Variants in DNM3 observed in about 807,000 individuals in gnomAD.
DNM3 encodes dynamin-3.
DNM3 carries 47 observed loss-of-function variants against 101.6 expected under a neutral mutation model. That is an observed-to-expected ratio of 0.46 (90% confidence interval 0.37 to 0.59). The LOEUF is 0.59. Ranked by LOEUF, DNM3 falls within the 20% of genes least tolerant of loss-of-function variation. The pLI, the probability that DNM3 is intolerant of heterozygous loss-of-function variation, is 0.00. For missense variants in DNM3, 849 were observed against 1,085.7 expected, an observed-to-expected ratio of 0.78 and a Z score of 3.06; for synonymous variants, 385 against 387.9, an observed-to-expected ratio of 0.99 and a Z score of 0.09.
intron 1 of DNM3, among the ~76,000 whole-genome samples, chr1:171,901,107 T>C (rs1487213527): frequency 3.7e-5 from 2 of 53,994 alleles, no homozygotes; most frequent in African/African-American, 1.6e-4. Flanking sequence ...AGCGAGACTC[T>C]GTCTCAAAAA....
At chr1:172,178,566 G>A (rs1413933260) in intron 14 of DNM3, among the ~76,000 whole-genome samples, 1 of 151,770 alleles carries the variant, frequency 6.6e-6, no homozygotes, top group Non-Finnish European at 1.5e-5. Context: ...GCAGTTAAAA[G>A]AAGCAAGGTA....
chr1:171,880,347 A>G (rs2036155344), intron 1 of DNM3, among the ~76,000 whole-genome samples: 2 of 152,228 alleles, frequency 1.3e-5, no homozygotes, highest in Non-Finnish European at 2.9e-5. Flanking sequence ...GCCAGGTGGA[A>G]TGATTCAGGT....
At chr1:172,148,106 A>G (rs1206343176) in intron 14 of DNM3, among the ~76,000 whole-genome samples, 1 of 152,088 alleles carries the variant, frequency 6.6e-6, no homozygotes, top group Non-Finnish European at 1.5e-5. Context: ...TTGTCAACCT[A>G]CAGAAACAAC....
chr1:172,387,036 T>A, intron 18 of DNM3, 97 bp from the exon 19 acceptor site: 1 of 1,052,840 alleles, frequency 9.5e-7, no homozygotes. Flanking sequence ...TGGACTTTGG[T>A]GGACTTTGTC....
chr1:172,068,931 C>T (rs756788956), intron 11 of DNM3, 26 bp downstream of exon 11: 31 of 1,548,828 alleles, frequency 2.0e-5, no homozygotes, highest in Non-Finnish European at 2.6e-5. Context: ...CCCTGGTGGG[C>T]AGGGAGATTG....
chr1:172,403,702 G>A (rs567968072), intron 20 of DNM3, among the ~76,000 whole-genome samples: 1 of 152,138 alleles, frequency 6.6e-6, no homozygotes, highest in East Asian at 1.9e-4. Flanking sequence ...GAAGAAACAT[G>A]GCTCTTCTAT....
At chr1:172,395,089 A>T (rs150124067) in intron 20 of DNM3, among the ~76,000 whole-genome samples, 63 of 151,768 alleles carry the variant, frequency 4.2e-4, no homozygotes, top group African/African-American at 1.5e-3. Context: ...TAGCTCTTTC[A>T]CCTCTAAATT....
chr1:172,040,497 C>A (rs1261252382), intron 7 of DNM3, among the ~76,000 whole-genome samples: 2 of 147,792 alleles, frequency 1.4e-5, no homozygotes, highest in Non-Finnish European at 3.0e-5. Context: ...TTTCGTGTTT[C>A]TTTCTTTCTT....
chr1:171,986,616 A>G (rs1365938306), intron 2 of DNM3, among the ~76,000 whole-genome samples: 2 of 150,546 alleles, frequency 1.3e-5, no homozygotes, highest in African/African-American at 4.9e-5. Flanking sequence ...AAAGCTACCA[A>G]TAATTGCCAC....
At chr1:172,174,681 T>A (rs1191856282) in intron 14 of DNM3, among the ~76,000 whole-genome samples, 1 of 151,696 alleles carries the variant, frequency 6.6e-6, no homozygotes, top group East Asian at 1.9e-4. Context: ...GTGTTAGTAA[T>A]GATGTCTACT....
intron 15 of DNM3, among the ~76,000 whole-genome samples, chr1:172,283,941 T>C (rs957970245): frequency 3.3e-5 from 5 of 152,132 alleles, no homozygotes; most frequent in African/African-American, 7.2e-5. Flanking sequence ...TGGGTTTTCG[T>C]TGTGGTTAAA....
At chr1:171,985,131 T>C (rs12068722) in intron 2 of DNM3, among the ~76,000 whole-genome samples, 8,420 of 152,240 alleles carry the variant, frequency 0.055, 692 homozygotes, top group African/African-American at 0.19. Context: ...TGATTGAAAA[T>C]GTAGTTCCTG....
At chr1:171,864,937 A>C (rs1445190404) in intron 1 of DNM3, among the ~76,000 whole-genome samples, 2 of 152,014 alleles carry the variant, frequency 1.3e-5, no homozygotes, top group Non-Finnish European at 2.9e-5. Flanking sequence ...ATTGTTTTGT[A>C]ATGAAATTAA....
At position 172,068,876 on chromosome 1, in the gene DNM3, C is replaced by G. The variant is rs774817889; in HGVS notation, c.1393C>G (p.Arg465Gly). The G allele has an allele frequency of 3.2e-6, 5 of 1,570,076 alleles. No homozygotes were observed. The highest frequency in any genetic ancestry group is 4.3e-6 in the Non-Finnish European group (5 of 1,156,970). The part of the protein sequence containing the change: ...ETERIVANHI[R>G]EREGKTKDQV... ...GGAAAGGATTGTTGCTAACCACATT[C>G]GTGAGCGAGAAGGGAAGACAAAGGA... Residue 465 changes from arginine (R) to glycine (G), a missense_variant, in exon 11 of 21, where the codon CGT (arginine) becomes GGT (glycine). Coordinates refer to ENST00000627582, the MANE Select transcript of DNM3 (RefSeq NM_015569.5).
intron 13 of DNM3, chr1:172,093,804 A>G (rs2054073177): frequency 7.1e-7 from 1 of 1,405,904 alleles, no homozygotes; most frequent in Admixed American, 2.2e-5. Flanking sequence ...TTAACTGATT[A>G]ACTCAACTAG....
intron 4 of DNM3, among the ~76,000 whole-genome samples, chr1:172,017,977 T>C (rs1364906357): frequency 1.3e-5 from 2 of 152,170 alleles, no homozygotes; most frequent in African/African-American, 4.8e-5. Context: ...ATAACTTTCC[T>C]TGCTATTAAA....
Position 172,014,986 on chromosome 1 carries a change from C to G in DNM3, c.590-17416C>G, listed in dbSNP as rs1303338768. On this transcript the variant is annotated intron_variant, in intron 4 of 20. Transcript: ENST00000627582. ...GTGTGAGGTTTGTGTCTATATTCAT[C>G]TTTTAGCATGTAGGTGTCCAGTTTT... 2.0e-5 allele frequency among the ~76,000 whole-genome samples: 3 copies of G among 151,828 alleles called. No individual in the cohort carries two copies. In the East Asian group the frequency reaches 5.8e-4, roughly 29 times the overall value.
intron 20 of DNM3, chr1:172,389,014 A>G: frequency 1.7e-6 from 1 of 600,232 alleles, no homozygotes; most frequent in South Asian, 2.1e-5. Flanking sequence ...TTTCTCATTT[A>G]TCAATTGGCA....
intron 17 of DNM3, among the ~76,000 whole-genome samples, chr1:172,340,471 C>T (rs745467044): frequency 8.5e-5 from 13 of 152,192 alleles, no homozygotes; most frequent in Admixed American, 1.3e-4. Context: ...GTCTGCTTTA[C>T]AAGATCACCA....
Sources: allele counts gnomAD v4.1 joint callset (sites outside exome capture counted in the v4.1 genomes callset), GRCh38; gene constraint gnomAD v4.1.1; transcripts MANE v1.5; gene names NCBI Gene and HGNC (gene_info 2026-07-23, HGNC 2026-07-21).